The following SSH2 variants were observed in gnomAD, a reference collection of about 807,000 sequenced individuals.
SSH2 encodes slingshot protein phosphatase 2.
In SSH2, 37 loss-of-function variants were observed where a neutral mutation model predicts 135.2. The observed-to-expected ratio is 0.27, with a 90% CI of 0.21 to 0.36. The LOEUF (loss-of-function observed/expected upper bound fraction) is 0.36, where lower values mean the gene tolerates loss of function less well. Ranked by LOEUF, SSH2 falls within the 10% of genes least tolerant of loss-of-function variation. The pLI is 1.00. For synonymous variants in SSH2, 628 were observed against 646.2 expected, an observed-to-expected ratio of 0.97 and a Z score of 0.43; for missense variants, 1,408 against 1,765.3, an observed-to-expected ratio of 0.80 and a Z score of 3.63.
chr17:29,629,723 T>TA lies in SSH2; in HGVS notation c.*1117dup, dbSNP rs779932485. On this transcript the variant is annotated 3_prime_UTR_variant, in exon 16 of 16. Transcript: ENST00000540801. Reference sequence around the variant, plus strand: ...TTCCAGGAAAAGGAAAAAAAAGTGTTAACAGTGATAATACCAAAAATAAAA... The same window carrying TA: ...TTCCAGGAAAAGGAAAAAAAAGTGTTAAACAGTGATAATACCAAAAATAAAA... The TA allele has an allele frequency of 4.6e-5, 7 of 152,584 alleles. No homozygotes were observed. Among genetic ancestry groups the TA allele is most frequent in the Non-Finnish European group, 5.9e-5 (4 of 68,042 alleles). The allele number at this position is 152,584 out of a possible 1,614,324, so 9.5% of individuals were successfully genotyped here.
intron 4 of SSH2, 32 bp downstream of exon 4, chr17:29,702,927 C>T (rs2039046602): frequency 6.8e-7 from 1 of 1,478,458 alleles, no homozygotes; most frequent in Non-Finnish European, 9.5e-7. Context: ...ATATAGTTAC[C>T]AAGAAAGAAA....
chr17:29,724,864 A>G (rs2039946802), intron 3 of SSH2, among the ~76,000 whole-genome samples: 1 of 151,598 alleles, frequency 6.6e-6, no homozygotes, highest in Non-Finnish European at 1.5e-5. Context: ...TGCTAGGATT[A>G]CAGGTGTGAA....
chr17:29,823,609 G>A (rs1265869211), intron 2 of SSH2, among the ~76,000 whole-genome samples: 1 of 151,918 alleles, frequency 6.6e-6, no homozygotes, highest in Non-Finnish European at 1.5e-5. Context: ...GTCGGGTGCG[G>A]TCTCATGCCT....
chr17:29,632,609 A>G lies in SSH2; in HGVS notation c.2585T>C (p.Ile862Thr). The change falls in exon 16 of 16, where the codon ATA becomes ACA. Residue 862 changes from isoleucine (I) to threonine (T), a missense_variant. Coordinates refer to ENST00000540801, the MANE Select transcript of SSH2 (RefSeq NM_001282129.2). ...PEGCLTTHSS[I>T]ADLEEGEPAE... Reference sequence around the variant, plus strand: ...TGGTTCCCCTTCTTCCAAGTCTGCTATAGATGAGTGTGTGGTTAGGCAGCC... The same window carrying G: ...TGGTTCCCCTTCTTCCAAGTCTGCTGTAGATGAGTGTGTGGTTAGGCAGCC... The G allele has an allele frequency of 6.2e-7, 1 of 1,614,158 alleles. No homozygotes were observed. The highest frequency in any genetic ancestry group is 8.5e-7 in the Non-Finnish European group (1 of 1,180,032).
rs867741873 is a variant in SSH2 at position 29,693,360 on chromosome 17, G to T, written c.357+2099C>A. On this transcript the variant is annotated intron_variant, in intron 5 of 15. Transcript: ENST00000540801. ...AGAATCTTCTTCTGTCATCCAGGTT[G>T]GAGTGTAATGGCACAATCTCGGCTC... Among the ~76,000 whole-genome samples, 7 of 151,950 alleles carry T rather than the reference G, an allele frequency of 4.6e-5. No homozygotes were observed. The Middle Eastern group carries it at 0.014, about 295-fold the overall frequency.
chr17:29,895,730 C>T (rs572059982), intron 1 of SSH2, among the ~76,000 whole-genome samples: 9 of 80,366 alleles, frequency 1.1e-4, no homozygotes, highest in Non-Finnish European at 1.8e-4. Flanking sequence ...ATTTTATATA[C>T]ACATTTCATA....
At chr17:29,738,372 G>A (rs1030990276) in intron 3 of SSH2, among the ~76,000 whole-genome samples, 5 of 152,084 alleles carry the variant, frequency 3.3e-5, no homozygotes, top group Admixed American at 6.5e-5. Context: ...ATTGTGAATA[G>A]TGCCGCAATA....
chr17:29,736,815 A>AAAAAT (rs61704385), intron 3 of SSH2, among the ~76,000 whole-genome samples: 2 of 117,266 alleles, frequency 1.7e-5, no homozygotes, highest in Non-Finnish European at 3.4e-5. Context: ...AAAAAAAAAA[A>AAAAAT]TGGGCCGGGC....
chr17:29,835,548 G>A (rs1396235792), intron 2 of SSH2, among the ~76,000 whole-genome samples: 1 of 152,144 alleles, frequency 6.6e-6, no homozygotes, highest in Non-Finnish European at 1.5e-5. Context: ...TCCTGGACCA[G>A]GCCCTGCAAA....
At chr17:29,849,594 C>G (rs748289868) in intron 1 of SSH2, among the ~76,000 whole-genome samples, 2 of 151,094 alleles carry the variant, frequency 1.3e-5, no homozygotes, top group Non-Finnish European at 2.9e-5. Context: ...CAAAGATACA[C>G]ATTTGATGTA....
At chr17:29,888,931 C>CAAAAAAAAAAAAAAAAA (rs1175371440) in intron 1 of SSH2, among the ~76,000 whole-genome samples, 2 of 42,082 alleles carry the variant, frequency 4.8e-5, no homozygotes, top group African/African-American at 1.2e-4. Context: ...GACACTATCT[C>CAAAAAAAAAAAAAAAAA]AAAAAAAAAA....
chr17:29,891,481 T>G (rs2066349052), intron 1 of SSH2, among the ~76,000 whole-genome samples: 1 of 151,932 alleles, frequency 6.6e-6, no homozygotes, highest in South Asian at 2.1e-4. Context: ...AAAGCACAGA[T>G]TTATTGAAAC....
intron 15 of SSH2, 100 bp downstream of exon 15, chr17:29,635,868 T>G: frequency 1.0e-6 from 1 of 965,082 alleles, no homozygotes; most frequent in South Asian, 1.6e-5. Context: ...AAAGAAAACC[T>G]CAGCCAGACT....
At chr17:29,830,132 C>T (rs1256919961) in intron 2 of SSH2, among the ~76,000 whole-genome samples, 1 of 152,132 alleles carries the variant, frequency 6.6e-6, no homozygotes, top group African/African-American at 2.4e-5. Context: ...AGCCACCGCA[C>T]CTAGCCAAGA....
intron 3 of SSH2, among the ~76,000 whole-genome samples, chr17:29,744,683 C>G (rs1431020437): frequency 1.3e-5 from 2 of 152,064 alleles, no homozygotes; most frequent in African/African-American, 4.8e-5. Context: ...CCAATAACAA[C>G]AAGGAAAAAT....
At chr17:29,922,001 T>C (rs2066984959) in intron 1 of SSH2, among the ~76,000 whole-genome samples, 1 of 152,070 alleles carries the variant, frequency 6.6e-6, no homozygotes, top group South Asian at 2.1e-4. Context: ...ATGCTGTGCG[T>C]AGAAGGAGCA....
chr17:29,805,897 G>A (rs1373623393), intron 2 of SSH2, among the ~76,000 whole-genome samples: 1 of 151,412 alleles, frequency 6.6e-6, no homozygotes, highest in Non-Finnish European at 1.5e-5. Context: ...TAGACTGTAA[G>A]CTCTGTAGAG....
chr17:29,660,473 G>T (rs910616736), intron 11 of SSH2, among the ~76,000 whole-genome samples: 6 of 151,674 alleles, frequency 4.0e-5, no homozygotes, highest in African/African-American at 1.5e-4. Context: ...CACCATGTTG[G>T]CTAGGATGGT....
chr17:29,690,607 T>C (rs181969205), intron 5 of SSH2, among the ~76,000 whole-genome samples: 3 of 152,060 alleles, frequency 2.0e-5, no homozygotes, highest in African/African-American at 7.2e-5. Flanking sequence ...TAAATGCTAG[T>C]CAAAAGAATG....
Sources: gnomAD v4.1 joint callset for allele counts (sites outside exome capture counted in the v4.1 genomes callset) on GRCh38, gnomAD v4.1.1 for gene constraint, MANE v1.5 for transcripts, NCBI Gene and HGNC (gene_info 2026-07-23, HGNC 2026-07-21) for gene names.